The following MKS1 variants were observed in gnomAD, a reference collection of about 807,000 sequenced individuals.
MKS1 encodes the protein MKS transition zone complex subunit 1, also known as tectonic-like complex member MKS1.
Under a neutral mutation model 83.7 loss-of-function variants are expected in MKS1, and 70 were observed. That is an observed-to-expected ratio of 0.84 (90% CI 0.69 to 1.02). The LOEUF (loss-of-function observed/expected upper bound fraction) is 1.02, where lower values mean the gene tolerates loss of function less well. Ranked by LOEUF, MKS1 falls within the 50% of genes least tolerant of loss-of-function variation. The pLI, the probability that MKS1 is intolerant of heterozygous loss-of-function variation, is 0.00. For missense variants in MKS1, 681 were observed against 726.9 expected (o/e 0.94, Z 0.73); for synonymous variants, 251 against 273.4 (o/e 0.92, Z 0.81).
rs529604036 is a variant in MKS1 at position 58,206,532 on chromosome 17, G to A, written c.1423C>T (p.Arg475Cys). 29 of 1,613,224 alleles carry A rather than the reference G, an allele frequency of 1.8e-5. No homozygotes were observed. Among genetic ancestry groups the A allele is most frequent in the Middle Eastern group, 1.6e-4 (1 of 6,062 alleles). Residue 475 changes from arginine (R) to cysteine (C), a missense_variant, in exon 16 of 18, where the codon CGC becomes TGC. Coordinates refer to ENST00000393119, the MANE Select transcript of MKS1 (RefSeq NM_017777.4). ...GTGGTCTCTGTGCGGAGTCCAAAGC[G>A]GCTCAGGCGTTCCCCCTGTGGCATG... ...PGSFKGERLS[R>C]FGLRTETTGT...
intron 2 of MKS1, among the ~76,000 whole-genome samples, chr17:58,217,153 T>G (rs1026458260): frequency 2.0e-5 from 3 of 152,202 alleles, no homozygotes; most frequent in Non-Finnish European, 2.9e-5. Flanking sequence ...CCAACCCAGC[T>G]AATTTTTGTA....
In MKS1 at chr17:58,216,639, C is replaced by G. The variant is rs1211585689; in HGVS notation, c.261+27G>C. ...GTGGAGGTAGACCAGATGGAATAGA[C>G]AGAGAAGACAAGAGACACTGGCTCA... On this transcript the variant is annotated intron_variant, in intron 3 of 17. Coordinates refer to ENST00000393119, the MANE Select transcript of MKS1 (RefSeq NM_017777.4). 1.9e-6 allele frequency: 3 copies of G among 1,611,254 alleles called. No individual in the cohort carries two copies. In the African/African-American group the frequency reaches 4.0e-5, roughly 22 times the overall value.
At position 58,218,620 on chromosome 17, in the gene MKS1, T is replaced by A; in HGVS notation, c.190A>T (p.Ser64Cys). 2 of 1,598,214 alleles carry A rather than the reference T, an allele frequency of 1.3e-6. No individual in the cohort carries two copies. Among genetic ancestry groups the A allele is most frequent in the Middle Eastern group, 3.3e-4 (2 of 6,042 alleles). ...LATFRPQPTASGHRPEEDEEE... is the reference protein window; with the variant it reads ...LATFRPQPTACGHRPEEDEEE... ...GGCACATCACCACCGTAACACCCAC[T>A]GGCAGTTGGCTGAGGCCTAAAAGTG... The change falls in exon 2 of 18, where the codon AGT becomes TGT. Residue 64 changes from serine to cysteine, a missense_variant and splice_region_variant. Coordinates refer to ENST00000393119, the MANE Select transcript of MKS1 (RefSeq NM_017777.4).
rs146860851 is a variant in MKS1, at chr17:58,210,129, G to A, written c.1024+530C>T. ...GAGGAGAGGTTTGAGGGAAGAGGAG[G>A]AATCAAGAGTTCTTTTTGGTCATGT... On this transcript the variant is annotated intron_variant, in intron 11 of 17. Transcript: ENST00000393119. Among the ~76,000 whole-genome samples the A allele has an allele frequency of 5.8e-4, 89 of 152,168 alleles. 1 individual carries two copies. The East Asian group carries it at 0.016, about 28-fold the overall frequency.
In MKS1 at chr17:58,208,150, GGTA is replaced by G; in HGVS notation, c.1117_1119del (p.Tyr373del). The G allele has an allele frequency of 6.2e-7, 1 of 1,613,698 alleles. No homozygotes were observed. The highest frequency in any genetic ancestry group is 8.5e-7 in the Non-Finnish European group (1 of 1,179,610). On this transcript the variant is annotated inframe_deletion, in exon 13 of 18. Transcript: ENST00000393119. ...AGGAAGAAGGCTTCAAACGTGAATG[GGTA>G]GGAGAAGTGAGCCACCTTGTCCTAT... is the stretch of plus-strand genomic sequence containing the variant.
chr17:58,216,825 T>C, intron 2 of MKS1, 89 bp from the exon 3 acceptor site: 1 of 1,368,804 alleles, frequency 7.3e-7, no homozygotes, highest in South Asian at 1.2e-5. Flanking sequence ...GTCCCTATTC[T>C]TATATTTGCC....
At chr17:58,211,082 C>G in intron 9 of MKS1, 60 bp from the exon 10 acceptor site, 1 of 1,560,978 alleles carries the variant, frequency 6.4e-7, no homozygotes, top group Admixed American at 1.7e-5. Flanking sequence ...CACTTCTCCT[C>G]CAGCCCCATC....
At position 58,206,541 on chromosome 17, in the gene MKS1, G is replaced by C. The variant is rs181513926; in HGVS notation, c.1414C>G (p.Arg472Gly). ...GTGCGGAGTCCAAAGCGGCTCAGGC[G>C]TTCCCCCTGTGGCATGCCATTGGGA... ...VRIPGSFKGE[R>G]LSRFGLRTET... The change falls in exon 16 of 18, where the codon CGC becomes GGC. Residue 472 changes from arginine (R) to glycine (G), a missense_variant. Arg to Gly is a moderately radical substitution (Grantham distance 125). Transcript: ENST00000393119. The C allele has an allele frequency of 2.5e-6, 4 of 1,612,356 alleles. No individual in the cohort carries two copies. In the African/African-American group the frequency reaches 5.3e-5, roughly 22 times the overall value.
At chr17:58,215,630 G>C (rs1464479846) in intron 4 of MKS1, 1 of 194,260 alleles carries the variant, frequency 5.1e-6, no homozygotes, top group Non-Finnish European at 1.1e-5. Context: ...AAGGTCACAA[G>C]GGTATTTTTG....
intron 11 of MKS1, among the ~76,000 whole-genome samples, chr17:58,208,943 G>A (rs969935706): frequency 6.6e-6 from 1 of 152,160 alleles, no homozygotes; most frequent in Non-Finnish European, 1.5e-5. Context: ...TTAACCTTGA[G>A]TTGACACAGC....
At position 58,218,748 on chromosome 17, in the gene MKS1, A is replaced by G; in HGVS notation, c.81-19T>C. The G allele has an allele frequency of 6.3e-7, 1 of 1,582,742 alleles. No homozygotes were observed. The highest frequency in any genetic ancestry group is 8.7e-7 in the Non-Finnish European group (1 of 1,151,670). ...GTGGACTCTGTCAAGAAAAGCCCAAAATATTCGTTACCAGACACGCAACCA... is the reference window on the plus strand; with the variant it reads ...GTGGACTCTGTCAAGAAAAGCCCAAGATATTCGTTACCAGACACGCAACCA... On this transcript the variant is annotated intron_variant, in intron 1 of 17. Transcript: ENST00000393119.
chr17:58,208,233 G>A (rs754315432), intron 12 of MKS1, 59 bp from the exon 13 acceptor site: 2 of 1,439,936 alleles, frequency 1.4e-6, no homozygotes, highest in Non-Finnish European at 2.0e-6. Context: ...TTCTCCTTGT[G>A]GCCAATGACA....
chr17:58,218,447 CAAAAAAAAAAAAAAAAAA>C (rs67834721), intron 2 of MKS1, 155 bp downstream of exon 2: 161 of 242,128 alleles, frequency 6.6e-4, no homozygotes, highest in Middle Eastern at 1.5e-3. Flanking sequence ...GACTCCGTCT[CAAAAAAAAAAAAAAAAAA>C]AAAAAAAAAA....
intron 7 of MKS1, 149 bp from the exon 8 acceptor site, chr17:58,213,239 A>G (rs1321965273): frequency 1.3e-6 from 1 of 770,064 alleles, no homozygotes. Context: ...ACCAGGAGAG[A>G]GAAACAAAAG....
At chr17:58,210,901 C>A in intron 10 of MKS1, 79 bp downstream of exon 10, 1 of 1,517,602 alleles carries the variant, frequency 6.6e-7, no homozygotes, top group South Asian at 1.1e-5. Context: ...AGGCCTCTAC[C>A]AGAGTGGAGG....
At chr17:58,206,721 T>TC (rs1223796882) in intron 15 of MKS1, 174 bp from the exon 16 acceptor site, 15 of 735,918 alleles carry the variant, frequency 2.0e-5, no homozygotes, top group Non-Finnish European at 3.5e-5. Context: ...GCTATTGGGC[T>TC]CCCCCAACTA....
At chr17:58,212,908 T>A (rs999982331) in intron 8 of MKS1, 74 bp downstream of exon 8, 1 of 1,453,996 alleles carries the variant, frequency 6.9e-7, no homozygotes, top group Non-Finnish European at 9.7e-7. Context: ...ACTGCTGACA[T>A]CAAGTTCAGA....
At position 58,213,836 on chromosome 17, in the gene MKS1, AC is replaced by A; in HGVS notation, c.677del (p.Cys226LeufsTer3). On this transcript the variant is annotated frameshift_variant, in exon 7 of 18. Coordinates refer to ENST00000393119, the MANE Select transcript of MKS1 (RefSeq NM_017777.4). LOFTEE classifies it high-confidence loss of function. Reference sequence around the variant, plus strand: ...CACCATTGCTATCCACCTTCAGAGTACACAGGACATGTTCATACTTCTTATA... The same window carrying A: ...CACCATTGCTATCCACCTTCAGAGTAACAGGACATGTTCATACTTCTTATA... ...LGYKKYEHVL[C>X]TLKVDSNGVI... The A allele has an allele frequency of 6.2e-7, 1 of 1,614,148 alleles. No homozygotes were observed. Among genetic ancestry groups the A allele is most frequent in the Non-Finnish European group, 8.5e-7 (1 of 1,179,972 alleles).
Position 58,217,739 on chromosome 17 carries a change from A to G in MKS1, c.190+881T>C, listed in dbSNP as rs1300870502. ...AGGATGGCTTGAGCCTGGGAGACCA[A>G]GGTTTACAGTGAGCTATGATCATAC... On this transcript the variant is annotated intron_variant, in intron 2 of 17. Transcript: ENST00000393119. 1.1e-4 allele frequency among the ~76,000 whole-genome samples: 16 copies of G among 152,176 alleles called. 1 individual carries two copies.
Sources: gnomAD v4.1 joint callset for allele counts (sites outside exome capture counted in the v4.1 genomes callset) on GRCh38, gnomAD v4.1.1 for gene constraint, MANE v1.5 for transcripts, NCBI Gene and HGNC (gene_info 2026-07-23, HGNC 2026-07-21) for gene names.